The following PCNT variants were observed in gnomAD, a reference collection of about 807,000 sequenced individuals.
PCNT encodes kendrin.
Under a neutral mutation model 380.4 loss-of-function variants are expected in PCNT, and 319 were observed. The ratio of observed to expected loss-of-function variants is 0.84; its 90% confidence interval spans 0.77 to 0.92. PCNT has a LOEUF of 0.92. Among genes scored for constraint, PCNT ranks in the 40% least tolerant of loss-of-function variants. PCNT has a pLI of 0.00. For synonymous variants in PCNT, 1,845 were observed against 1,735.2 expected, an observed-to-expected ratio of 1.06 and a Z score of -1.57; for missense variants, 4,400 against 4,255.3, an observed-to-expected ratio of 1.03 and a Z score of -0.95.
chr21:46,438,624 A>G (rs1181932183), intron 41 of PCNT, among the ~76,000 whole-genome samples: 1 of 151,938 alleles, frequency 6.6e-6, no homozygotes, highest in Non-Finnish European at 1.5e-5. Context: ...GACTAAGAAT[A>G]TTATAATCTG....
chr21:46,398,215 C>T lies in PCNT; in HGVS notation c.4564-20C>T, dbSNP rs745809500. 1.1e-5 allele frequency: 17 copies of T among 1,608,310 alleles called. No individual in the cohort carries two copies. Among genetic ancestry groups the T allele is most frequent in the Non-Finnish European group, 1.4e-5 (16 of 1,178,338 alleles). On this transcript the variant is annotated intron_variant, in intron 23 of 46. Transcript: ENST00000359568. The stretch of plus-strand genomic sequence containing the variant: ...TAACTTTCTTTAAATTTTTGCCTTC[C>T]ATGTACATGAAATCGGCAGCAGGCG...
At chr21:46,351,879 A>G (rs78412917) in intron 9 of PCNT, among the ~76,000 whole-genome samples, 1 of 152,236 alleles carries the variant, frequency 6.6e-6, no homozygotes, top group African/African-American at 2.4e-5. Context: ...GTGCTGTCCA[A>G]GTGCGGGCTC....
rs149670973 is a variant in PCNT, at chr21:46,401,953, C to T, written c.4962+232C>T. The stretch of plus-strand genomic sequence containing the variant: ...GCAACCTCCGCCTCCTGGGTTCAAG[C>T]GATTCTCCTGCCTCGGCCTCCCGAG... On this transcript the variant is annotated intron_variant, in intron 26 of 46. Coordinates refer to ENST00000359568, the MANE Select transcript of PCNT (RefSeq NM_006031.6). Among the ~76,000 whole-genome samples the T allele has an allele frequency of 0.036, 5,463 of 152,262 alleles. 151 individuals carry two copies. Among genetic ancestry groups the T allele is most frequent in the Middle Eastern group, 0.082 (24 of 294 alleles).
intron 15 of PCNT, among the ~76,000 whole-genome samples, chr21:46,371,712 C>T (rs1188962350): frequency 6.6e-6 from 1 of 152,250 alleles, no homozygotes; most frequent in South Asian, 2.1e-4. Flanking sequence ...GGTCTCCCCA[C>T]TTGTGGACCC....
Position 46,353,371 on chromosome 21 carries a change from G to A in PCNT, c.1679+45G>A, listed in dbSNP as rs765454958. ...CCTCAGTGAGTTTCTGCCATACAGG[G>A]GCCAGGCTCTGAGTTCAGGGGTAGT... On this transcript the variant is annotated intron_variant, in intron 10 of 46. Transcript: ENST00000359568. 2.0e-6 allele frequency: 3 copies of A among 1,513,342 alleles called. No individual in the cohort carries two copies. The East Asian group carries it at 6.8e-5, about 34-fold the overall frequency. The allele number at this position is 1,513,342 out of a possible 1,614,324, so 93.7% of individuals were successfully genotyped here. A position where few individuals can be genotyped will look rare whatever the true frequency, so the allele number is the denominator to read the frequency against.
chr21:46,363,931 G>A lies in PCNT; in HGVS notation c.2606G>A (p.Ser869Asn). Reference sequence around the variant, plus strand: ...GCCCTGCAGCTGATGCTGGCCCGGAGCAGGTGGGTTTGCAGTGACGCCATC... The same window carrying A: ...GCCCTGCAGCTGATGCTGGCCCGGAACAGGTGGGTTTGCAGTGACGCCATC... ...DCALQLMLAR[S>N]RFLEERKEIT... The change falls in exon 14 of 47, where the codon AGC (serine) becomes AAC (asparagine). Residue 869 changes from serine (S) to asparagine (N), a missense_variant. Physicochemically the swap from Ser to Asn is conservative, Grantham distance 46. Transcript: ENST00000359568. The A allele has an allele frequency of 6.2e-7, 1 of 1,606,032 alleles. No individual in the cohort carries two copies. Among genetic ancestry groups the A allele is most frequent in the Non-Finnish European group, 8.5e-7 (1 of 1,179,748 alleles).
chr21:46,434,901 G>C (rs1476647659), intron 38 of PCNT, among the ~76,000 whole-genome samples: 1 of 152,234 alleles, frequency 6.6e-6, no homozygotes, highest in Non-Finnish European at 1.5e-5. Context: ...GCGTCATCCG[G>C]TCTGTTCTGT....
Position 46,407,340 on chromosome 21 carries a change from CTTTTTTT to C in PCNT, c.5116-3836_5116-3830del, listed in dbSNP as rs899881614. 5.8e-4 allele frequency among the ~76,000 whole-genome samples: 62 copies of C among 106,424 alleles called. 3 individuals are homozygous for C. In the East Asian group the frequency reaches 6.7e-3, roughly 12 times the overall value. 69.8% of individuals were successfully genotyped at this position (106,424 alleles called of 152,430 possible). Reference sequence around the variant, plus strand: ...TTGCATAAAGAAGTTTATACTTTCTCTTTTTTTTTTTTTTTTTTTGAGACGGAGTCTT... The same window carrying C: ...TTGCATAAAGAAGTTTATACTTTCTCTTTTTTTTTTTTGAGACGGAGTCTT... On this transcript the variant is annotated intron_variant, in intron 27 of 46. Transcript: ENST00000359568.
chr21:46,416,463 A>C lies in PCNT; in HGVS notation c.6545A>C (p.Lys2182Thr). 6.2e-7 allele frequency: 1 copy of C among 1,614,196 alleles called. No individual in the cohort carries two copies. The highest frequency in any genetic ancestry group is 8.5e-7 in the Non-Finnish European group (1 of 1,180,030). ...DEMPDSPIQE[K>T]SECQDMSLSS... The stretch of plus-strand genomic sequence containing the variant: ...ATGCCAGATTCTCCCATTCAAGAAA[A>C]ATCAGAATGTCAGGACATGTCTCTT... The change falls in exon 30 of 47, where the codon AAA (lysine) becomes ACA (threonine). Residue 2182 changes from lysine (K) to threonine (T), a missense_variant. Lys to Thr is a moderately conservative substitution (Grantham distance 78). Coordinates refer to ENST00000359568, the MANE Select transcript of PCNT (RefSeq NM_006031.6).
intron 15 of PCNT, among the ~76,000 whole-genome samples, chr21:46,381,369 A>T (rs992220161): frequency 6.6e-6 from 1 of 152,122 alleles, no homozygotes; most frequent in Non-Finnish European, 1.5e-5. Flanking sequence ...TAATTCCTTG[A>T]TGGTGAACTT....
At chr21:46,407,405 G>A (rs917737653) in intron 27 of PCNT, among the ~76,000 whole-genome samples, 7 of 132,808 alleles carry the variant, frequency 5.3e-5, no homozygotes, top group Non-Finnish European at 6.2e-5. Flanking sequence ...GCAATGGCGC[G>A]ATCTCGGCTC....
chr21:46,392,528 A>G (rs369139457), intron 21 of PCNT, among the ~76,000 whole-genome samples: 5 of 152,076 alleles, frequency 3.3e-5, no homozygotes, highest in African/African-American at 4.8e-5. Context: ...GCCAGCTCCT[A>G]TGGTTTCTCA....
At position 46,353,231 on chromosome 21, in the gene PCNT, G is replaced by C; in HGVS notation, c.1584G>C (p.Arg528Ser). Residue 528 changes from arginine to serine, a missense_variant, in exon 10 of 47, where the codon AGG (arginine) becomes AGC (serine). Coordinates refer to ENST00000359568, the MANE Select transcript of PCNT (RefSeq NM_006031.6). ...GGATTTATTTTGAAAAGAAGTTAAG[G>C]GATGCTGAGAAAACTTACCAAGAAG... is the stretch of plus-strand genomic sequence containing the variant. The part of the protein sequence containing the change: ...QLRIYFEKKL[R>S]DAEKTYQEDL... The C allele has an allele frequency of 6.2e-7, 1 of 1,614,132 alleles. No homozygotes were observed. The highest frequency in any genetic ancestry group is 8.5e-7 in the Non-Finnish European group (1 of 1,180,020).
At chr21:46,433,202 C>T (rs965475023) in intron 38 of PCNT, among the ~76,000 whole-genome samples, 9 of 151,954 alleles carry the variant, frequency 5.9e-5, no homozygotes, top group African/African-American at 2.2e-4. Context: ...GCCAACAAGG[C>T]GAAAGCCCAT....
intron 13 of PCNT, among the ~76,000 whole-genome samples, chr21:46,362,421 C>T (rs1306154463): frequency 1.3e-5 from 2 of 152,184 alleles, no homozygotes; most frequent in Non-Finnish European, 2.9e-5. Flanking sequence ...TTGTGGATCT[C>T]TCCACAGCCT....
At position 46,357,196 on chromosome 21, in the gene PCNT, G is replaced by A. The variant is rs1175609373; in HGVS notation, c.2154+5G>A. ...CTGAAGGACGATTTGGAGAAGGTGA[G>A]TCGTGACTCCACAGCCCAGCGCCTC... On this transcript the variant is annotated splice_donor_5th_base_variant and intron_variant, in intron 13 of 46. Transcript: ENST00000359568. 2 of 1,591,136 alleles carry A rather than the reference G, an allele frequency of 1.3e-6. No homozygotes were observed. Among genetic ancestry groups the A allele is most frequent in the South Asian group, 1.1e-5 (1 of 90,690 alleles).
chr21:46,358,135 G>C (rs1251875635), intron 13 of PCNT, among the ~76,000 whole-genome samples: 3 of 152,024 alleles, frequency 2.0e-5, no homozygotes, highest in Non-Finnish European at 2.9e-5. Context: ...GGGCAGCTCA[G>C]GCTCCGTCCC....
Position 46,326,687 on chromosome 21 carries a change from C to G in PCNT, c.267+98C>G. On this transcript the variant is annotated intron_variant, in intron 2 of 46. Coordinates refer to ENST00000359568, the MANE Select transcript of PCNT (RefSeq NM_006031.6). ...TGGTCTTTGGTCTGTTTTTGCCTTT[C>G]AAAAGTGAGGAAAGAGGGTGTTATT... The G allele has an allele frequency of 3.8e-6, 5 of 1,299,288 alleles. 1 individual carries two copies. Among genetic ancestry groups the G allele is most frequent in the South Asian group, 2.4e-5 (2 of 82,774 alleles). The allele number at this position is 1,299,288 out of a possible 1,614,324, so 80.5% of individuals were successfully genotyped here.
chr21:46,359,491 G>GTTTTTTTTTTTTTTTTTTTTTTTT (rs1219693835), intron 13 of PCNT, among the ~76,000 whole-genome samples: 32 of 66,074 alleles, frequency 4.8e-4, no homozygotes, highest in Non-Finnish European at 6.7e-4. Context: ...TTTTTTTTTT[G>GTTTTTTTTTTTTTTTTTTTTTTTT]TTTTTTTTTT....
Sources: gnomAD v4.1 joint callset for allele counts (sites outside exome capture counted in the v4.1 genomes callset) on GRCh38, gnomAD v4.1.1 for gene constraint, MANE v1.5 for transcripts, NCBI Gene and HGNC (gene_info 2026-07-23, HGNC 2026-07-21) for gene names.